The following CLCN5 variants were observed in gnomAD, a reference collection of about 807,000 sequenced individuals.
The protein encoded by CLCN5 is Cl-/H+ antiporter 5, also known as H(+)/Cl(-) exchange transporter 5.
CLCN5 carries 17 observed loss-of-function variants against 54.0 expected under a neutral mutation model. The observed-to-expected ratio is 0.31, with a 90% CI of 0.22 to 0.47. The LOEUF (loss-of-function observed/expected upper bound fraction) is 0.47, where lower values mean the gene tolerates loss of function less well. Ranked by LOEUF, CLCN5 falls within the 20% of genes least tolerant of loss-of-function variation. CLCN5 has a pLI of 1.00. For synonymous variants in CLCN5, 222 were observed against 233.0 expected, an observed-to-expected ratio of 0.95 and a Z score of 0.43; for missense variants, 448 against 646.7, an observed-to-expected ratio of 0.69 and a Z score of 3.33.
intron 4 of CLCN5, among the ~76,000 whole-genome samples, chrX:50,060,918 G>T (rs1932848130): frequency 2.3e-5 from 2 of 86,050 alleles, no homozygotes; most frequent in Admixed American, 1.3e-4. Context: ...ACACGGCAGG[G>T]TATTCCAACA....
rs1373501104 is a variant in CLCN5 at position 50,059,568 on chromosome X, A to G, written c.164-10311A>G. Among the ~76,000 whole-genome samples, 3 of 111,908 alleles carry G rather than the reference A, an allele frequency of 2.7e-5. No individual in the cohort carries two copies. In the Admixed American group the frequency reaches 2.8e-4, roughly 11 times the overall value. On this transcript the variant is annotated intron_variant, in intron 4 of 14. Coordinates refer to ENST00000376091, the MANE Select transcript of CLCN5 (RefSeq NM_001127898.4). ...TTGACCTACACTGGGCAGTCTGTAT[A>G]ATGAACACACACTAAAGATGGTAAG...
intron 3 of CLCN5, among the ~76,000 whole-genome samples, chrX:49,991,007 T>C (rs1269787188): frequency 8.9e-6 from 1 of 112,729 alleles, no homozygotes; most frequent in Non-Finnish European, 1.9e-5. Context: ...CAAATTGTAC[T>C]GCTATAACAT....
chrX:50,037,870 A>C (rs1232968111), intron 3 of CLCN5, among the ~76,000 whole-genome samples: 1 of 111,415 alleles, frequency 9.0e-6, no homozygotes, highest in Non-Finnish European at 1.9e-5. Flanking sequence ...AATATATGTG[A>C]AAGTGTGTGT....
At position 50,080,734 on chromosome X, in the gene CLCN5, G is replaced by T; in HGVS notation, c.726+18G>T. The T allele has an allele frequency of 8.5e-7, 1 of 1,170,834 alleles. No individual in the cohort carries two copies. The highest frequency in any genetic ancestry group is 1.2e-6 in the Non-Finnish European group (1 of 859,853). ...TCCCTGAGGTGAGTCTCTTAAAATG[G>T]TTTATAAATGGTTACAATATGAATA... On this transcript the variant is annotated intron_variant, in intron 8 of 14. Transcript: ENST00000376091.
chrX:50,001,592 T>C (rs1230131162), intron 3 of CLCN5, among the ~76,000 whole-genome samples: 4 of 103,503 alleles, frequency 3.9e-5, no homozygotes, highest in African/African-American at 1.4e-4. Context: ...ATTAGGTATA[T>C]CTCCTAATGC....
chrX:49,927,413 A>G (rs1424849815), intron 3 of CLCN5, among the ~76,000 whole-genome samples: 1 of 111,923 alleles, frequency 8.9e-6, no homozygotes, highest in Admixed American at 9.5e-5. Flanking sequence ...TATTCTATAT[A>G]AGTAAGCTCT....
intron 4 of CLCN5, among the ~76,000 whole-genome samples, chrX:50,057,401 C>CCTGGATAGATACTATCCAGGACTG (rs1932771184): frequency 6.6e-5 from 5 of 75,304 alleles, no homozygotes; most frequent in African/African-American, 2.7e-4. Flanking sequence ...ATCCAGGACT[C>CCTGGATAGATACTATCCAGGACTG]TCCTGGATAG....
intron 3 of CLCN5, among the ~76,000 whole-genome samples, chrX:49,972,057 C>T (rs1320258193): frequency 9.2e-6 from 1 of 108,993 alleles, no homozygotes; most frequent in Admixed American, 9.9e-5. Flanking sequence ...ACTCAGATTT[C>T]AGATTTACCT....
intron 3 of CLCN5, among the ~76,000 whole-genome samples, chrX:49,998,549 C>T (rs782485845): frequency 2.3e-4 from 26 of 111,490 alleles, no homozygotes; most frequent in African/African-American, 7.5e-4. Flanking sequence ...CTGCTTGGTA[C>T]GTTTCGGGCC....
intron 5 of CLCN5, among the ~76,000 whole-genome samples, chrX:50,071,063 A>G (rs1933200415): frequency 1.8e-5 from 2 of 109,322 alleles, no homozygotes; most frequent in South Asian, 8.1e-4. Flanking sequence ...AAGCTGCCCC[A>G]TTCTCTCCCA....
intron 3 of CLCN5, among the ~76,000 whole-genome samples, chrX:50,009,993 T>G (rs1930412176): frequency 9.0e-6 from 1 of 111,272 alleles, no homozygotes; most frequent in African/African-American, 3.3e-5. Flanking sequence ...TATTATAGCC[T>G]GAGAGGAGAA....
chrX:49,976,402 G>A (rs914409876), intron 3 of CLCN5, among the ~76,000 whole-genome samples: 29 of 112,135 alleles, frequency 2.6e-4, no homozygotes, highest in Admixed American at 9.4e-4. Context: ...CACAGGAGGT[G>A]ATGGTTTCCA....
intron 3 of CLCN5, among the ~76,000 whole-genome samples, chrX:49,955,281 A>G (rs1194787970): frequency 3.6e-5 from 4 of 111,373 alleles, no homozygotes; most frequent in Admixed American, 2.9e-4. Flanking sequence ...TCAAAGCTCT[A>G]TGGCCCTTAG....
chrX:49,987,197 T>C (rs1255420235), intron 3 of CLCN5, among the ~76,000 whole-genome samples: 1 of 112,407 alleles, frequency 8.9e-6, no homozygotes, highest in Non-Finnish European at 1.9e-5. Context: ...TCCTAAAATA[T>C]TTCATTGGCC....
intron 9 of CLCN5, among the ~76,000 whole-genome samples, 177 bp from the exon 10 acceptor site, chrX:50,085,803 C>T (rs1436531494): frequency 2.7e-5 from 3 of 111,562 alleles, no homozygotes; most frequent in Non-Finnish European, 5.6e-5. Context: ...AGCATGTGAA[C>T]TATGCATGTG....
chrX:50,082,890 T>A (rs1445151489), intron 9 of CLCN5, among the ~76,000 whole-genome samples: 1 of 111,450 alleles, frequency 9.0e-6, no homozygotes, highest in Non-Finnish European at 1.9e-5. Flanking sequence ...GTATTGGACC[T>A]CTCTCTACCT....
In CLCN5 at chrX:50,080,619, A is replaced by G; in HGVS notation, c.629A>G (p.Tyr210Cys). The G allele has an allele frequency of 8.3e-7, 1 of 1,206,972 alleles. No homozygotes were observed. The highest frequency in any genetic ancestry group is 1.1e-6 in the Non-Finnish European group (1 of 893,063). The change falls in exon 8 of 15, where the codon TAT becomes TGT. Residue 210 changes from tyrosine (Y) to cysteine (C), a missense_variant. Tyr to Cys is a radical substitution (Grantham distance 194). Around this residue, in one of 5 missense-constraint regions of CLCN5, gnomAD observed 40 missense variants for 27.8 expected, o/e 1.44. Coordinates refer to ENST00000376091, the MANE Select transcript of CLCN5 (RefSeq NM_001127898.4). Reference sequence around the variant, plus strand: ...GGAGCCTTTGCCTACATAGTCAATTATTTCATGTACGTCCTCTGGGCTCTC... The same window carrying G: ...GGAGCCTTTGCCTACATAGTCAATTGTTTCATGTACGTCCTCTGGGCTCTC... ...DEGAFAYIVN[Y>C]FMYVLWALLF...
intron 3 of CLCN5, among the ~76,000 whole-genome samples, chrX:50,002,386 C>T (rs1224642059): frequency 8.9e-6 from 1 of 111,777 alleles, no homozygotes; most frequent in Non-Finnish European, 1.9e-5. Flanking sequence ...CAGCATTTCC[C>T]AATTGCATAT....
At chrX:50,059,312 C>G (rs781941822) in intron 4 of CLCN5, among the ~76,000 whole-genome samples, 17 of 111,600 alleles carry the variant, frequency 1.5e-4, no homozygotes, top group Non-Finnish European at 2.8e-4. Context: ...TTTTTAAATT[C>G]ACAGTCCACA....
Sources: gnomAD v4.1 joint callset for allele counts (sites outside exome capture counted in the v4.1 genomes callset) on GRCh38, gnomAD v4.1.1 for gene constraint, gnomAD v4.1.1 regional missense constraint, MANE v1.5 for transcripts, NCBI Gene and HGNC (gene_info 2026-07-23, HGNC 2026-07-21) for gene names.